Variants in SCN10A observed in about 807,000 individuals in gnomAD.
SCN10A encodes sodium voltage-gated channel alpha subunit 10.
A neutral mutation model predicts 170.7 loss-of-function variants in SCN10A; 162 were observed. The ratio of observed to expected loss-of-function variants is 0.95; its 90% CI spans 0.84 to 1.08. The LOEUF (loss-of-function observed/expected upper bound fraction) is 1.08, where lower values mean the gene tolerates loss of function less well. Ranked by LOEUF, SCN10A falls within the 50% of genes least tolerant of loss-of-function variation. The probability of loss-of-function intolerance (pLI) is 0.00; values close to 1 mark genes in which losing one functional copy is unlikely to be tolerated. For synonymous variants in SCN10A, 985 were observed against 904.6 expected (o/e 1.09, Z -1.59); for missense variants, 2,527 against 2,436.9 (o/e 1.04, Z -0.78).
Position 38,698,154 on chromosome 3 carries a change from C to A in SCN10A, c.5066G>T (p.Arg1689Ile). ...DPNLPNSNGT[R>I]GDCGSPAVGI... ...TACGGCTGGGCTCCCACAGTCCCCT[C>A]TGGTGCCATTGCTGTTGGGCAGATT... is the stretch of plus-strand genomic sequence containing the variant. Residue 1689 changes from arginine (R) to isoleucine (I), a missense_variant, in exon 28 of 28, where the codon AGA (arginine) becomes ATA (isoleucine). Arg to Ile is a moderately conservative substitution (Grantham distance 97, BLOSUM62 -3). Coordinates refer to ENST00000449082, the MANE Select transcript of SCN10A (RefSeq NM_006514.4). The A allele has an allele frequency of 6.2e-7, 1 of 1,614,144 alleles. No individual in the cohort carries two copies. The highest frequency in any genetic ancestry group is 1.3e-5 in the African/African-American group (1 of 75,026).
chr3:38,773,767 T>G, intron 4 of SCN10A, among the ~76,000 whole-genome samples: 1 of 152,190 alleles, frequency 6.6e-6, no homozygotes, highest in East Asian at 1.9e-4. Flanking sequence ...TATCTGATGA[T>G]CTAACTGAAG....
At position 38,702,863 on chromosome 3, in the gene SCN10A, C is replaced by T. The variant is rs2063171270; in HGVS notation, c.4387-754G>A. 2.6e-5 allele frequency among the ~76,000 whole-genome samples: 4 copies of T among 152,148 alleles called. No homozygotes were observed. In the South Asian group the frequency reaches 8.3e-4, roughly 32 times the overall value. ...TTATATCTGGTTATTTTTATGGTGT[C>T]TTTAAAAAGCTCCTACTGTGATCTT... On this transcript the variant is annotated intron_variant, in intron 26 of 27. Coordinates refer to ENST00000449082, the MANE Select transcript of SCN10A (RefSeq NM_006514.4).
At chr3:38,759,577 T>C (rs2063845666) in intron 8 of SCN10A, among the ~76,000 whole-genome samples, 6 of 152,188 alleles carry the variant, frequency 3.9e-5, no homozygotes, top group Admixed American at 3.9e-4. Context: ...TGTCTATGAA[T>C]GAGAAATTGC....
At chr3:38,811,239 G>C (rs943431423) in intron 1 of SCN10A, among the ~76,000 whole-genome samples, 2 of 152,102 alleles carry the variant, frequency 1.3e-5, no homozygotes, top group African/African-American at 4.8e-5. Context: ...GCTCACTTGA[G>C]GTCAGAAGTT....
In SCN10A at chr3:38,794,018, T is replaced by A. The variant is rs200901459; in HGVS notation, c.-8A>T. Reference sequence around the variant, plus strand: ...TCCAATGGGGAATTCCATCTTCTCATTCTTCTTCAGGAAGTATTTATACTC... The same window carrying A: ...TCCAATGGGGAATTCCATCTTCTCAATCTTCTTCAGGAAGTATTTATACTC... On this transcript the variant is annotated 5_prime_UTR_variant, in exon 2 of 28. An upstream start codon of the reference 5' UTR is lost. Coordinates refer to ENST00000449082, the MANE Select transcript of SCN10A (RefSeq NM_006514.4). 9.5e-4 allele frequency: 1,527 copies of A among 1,613,064 alleles called. 1 individual carries two copies. Among genetic ancestry groups the A allele is most frequent in the Non-Finnish European group, 1.2e-3 (1,370 of 1,179,324 alleles).
At chr3:38,716,979 G>A (rs745491835) in intron 21 of SCN10A, among the ~76,000 whole-genome samples, 6 of 152,234 alleles carry the variant, frequency 3.9e-5, no homozygotes, top group Non-Finnish European at 8.8e-5. Flanking sequence ...AAAGATAGAA[G>A]AATGAGTGGA....
intron 13 of SCN10A, 78 bp from the exon 14 acceptor site, chr3:38,742,607 C>T (rs767836512): frequency 9.4e-7 from 1 of 1,067,028 alleles, no homozygotes. Context: ...TCCTCTAGAC[C>T]TTGTTGTTAA....
At chr3:38,814,179 A>G (rs151100867) in intron 1 of SCN10A, among the ~76,000 whole-genome samples, 199 of 152,340 alleles carry the variant, frequency 1.3e-3, no homozygotes, top group Non-Finnish European at 2.1e-3. Context: ...TTGGAAAGGC[A>G]GGTAAGATTT....
chr3:38,754,745 T>G (rs1288411483), intron 11 of SCN10A, among the ~76,000 whole-genome samples: 1 of 152,172 alleles, frequency 6.6e-6, no homozygotes, highest in Non-Finnish European at 1.5e-5. Context: ...GTGTCTGTGT[T>G]TGTATATGCA....
chr3:38,722,725 G>A (rs1217043663), intron 19 of SCN10A, among the ~76,000 whole-genome samples: 1 of 152,194 alleles, frequency 6.6e-6, no homozygotes, highest in Non-Finnish European at 1.5e-5. Context: ...TACGGCGTAT[G>A]AGCCTGGGGG....
At chr3:38,733,003 A>G (rs2063526610) in intron 15 of SCN10A, among the ~76,000 whole-genome samples, 1 of 152,194 alleles carries the variant, frequency 6.6e-6, no homozygotes, top group African/African-American at 2.4e-5. Flanking sequence ...CAAAGCTTGT[A>G]GTAATGGTGT....
chr3:38,742,392 G>A lies in SCN10A; in HGVS notation c.2005C>T (p.Leu669Phe), dbSNP rs1208028440. 6.2e-7 allele frequency: 1 copy of A among 1,614,046 alleles called. No homozygotes were observed. The highest frequency in any genetic ancestry group is 8.5e-7 in the Non-Finnish European group (1 of 1,180,028). The change falls in exon 14 of 28, where the codon CTC becomes TTC. Residue 669 changes from leucine (L) to phenylalanine (F), a missense_variant. Leu to Phe is a conservative substitution (Grantham distance 22). Transcript: ENST00000449082. ...FGLVTDPFAE[L>F]TITLCIVVNT... The stretch of plus-strand genomic sequence containing the variant: ...ACCACGATGCACAAGGTGATGGTGA[G>A]CTCTGCAAAGGGATCCGTCACAAGC...
In SCN10A at chr3:38,727,021, T is replaced by G; in HGVS notation, c.2672A>C (p.Asn891Thr). ...TGTGAGGTTGTCAGCACTGAAAGAG[T>G]TCAATAGCAGGGCGATGAACAGGTT... ...VLNLFIALLL[N>T]SFSADNLTAP... The change falls in exon 17 of 28, where the codon AAC becomes ACC. Residue 891 changes from asparagine to threonine, a missense_variant. Asn to Thr is a moderately conservative substitution (Grantham distance 65, BLOSUM62 0). Coordinates refer to ENST00000449082, the MANE Select transcript of SCN10A (RefSeq NM_006514.4). 1 of 1,612,452 alleles carries G rather than the reference T, an allele frequency of 6.2e-7. No individual in the cohort carries two copies. The highest frequency in any genetic ancestry group is 8.5e-7 in the Non-Finnish European group (1 of 1,178,858).
intron 2 of SCN10A, among the ~76,000 whole-genome samples, chr3:38,792,468 G>A (rs536191389): frequency 1.3e-5 from 2 of 152,162 alleles, no homozygotes; most frequent in Admixed American, 1.3e-4. Flanking sequence ...GAGGTGTTAT[G>A]CCCAGGGGAG....
intron 15 of SCN10A, among the ~76,000 whole-genome samples, chr3:38,738,327 C>T (rs1191097835): frequency 6.6e-6 from 1 of 152,176 alleles, no homozygotes; most frequent in Admixed American, 6.5e-5. Flanking sequence ...CTTTGCCTGT[C>T]TACCTGAGGC....
At position 38,761,651 on chromosome 3, in the gene SCN10A, C is replaced by T. The variant is rs367555222; in HGVS notation, c.692-268G>A. Among the ~76,000 whole-genome samples the T allele has an allele frequency of 7.2e-5, 11 of 152,300 alleles. No homozygotes were observed. The South Asian group carries it at 2.1e-3, about 29-fold the overall frequency. The stretch of plus-strand genomic sequence containing the variant: ...ATCTTGAGGCTAATAAAATTCCTGA[C>T]ACTAGCAATTCAATTTAAATAATTT... On this transcript the variant is annotated intron_variant, in intron 6 of 27. Coordinates refer to ENST00000449082, the MANE Select transcript of SCN10A (RefSeq NM_006514.4).
At chr3:38,721,176 C>T (rs1445762178) in intron 20 of SCN10A, among the ~76,000 whole-genome samples, 1 of 152,242 alleles carries the variant, frequency 6.6e-6, no homozygotes, top group Non-Finnish European at 1.5e-5. Context: ...TGTCACCCTT[C>T]CTGGACAATC....
chr3:38,802,148 T>C (rs768955697), intron 1 of SCN10A, among the ~76,000 whole-genome samples: 17 of 152,150 alleles, frequency 1.1e-4, no homozygotes, highest in African/African-American at 1.7e-4. Flanking sequence ...TTTTACACTC[T>C]GGAGATATAG....
chr3:38,709,083 G>A (rs987214417), intron 25 of SCN10A, among the ~76,000 whole-genome samples: 4 of 152,202 alleles, frequency 2.6e-5, no homozygotes, highest in Admixed American at 1.3e-4. Flanking sequence ...GATTCTGCCA[G>A]TGCTGGGCCA....
Sources: allele counts gnomAD v4.1 joint callset (sites outside exome capture counted in the v4.1 genomes callset), GRCh38; gene constraint gnomAD v4.1.1; transcripts MANE v1.5; gene names NCBI Gene and HGNC (gene_info 2026-07-23, HGNC 2026-07-21).